AGBL1: variants seen among roughly 807,000 people sequenced by gnomAD.
The protein encoded by AGBL1 is cytosolic carboxypeptidase 4.
In AGBL1, 130 loss-of-function variants were observed where a neutral mutation model predicts 118.9. That is an observed-to-expected ratio of 1.09 (90% CI 0.95 to 1.26). The LOEUF (loss-of-function observed/expected upper bound fraction) is 1.26, where lower values mean the gene tolerates loss of function less well. Ranked by LOEUF, AGBL1 falls within the 50% of genes most tolerant of loss-of-function variation. The pLI, the probability that AGBL1 is intolerant of heterozygous loss-of-function variation, is 0.00. For synonymous variants in AGBL1, 555 were observed against 478.9 expected (o/e 1.16, Z -2.08); for missense variants, 1,584 against 1,298.1 (o/e 1.22, Z -3.38).
At chr15:86,981,552 C>G (rs940771202) in intron 23 of AGBL1, among the ~76,000 whole-genome samples, 14 of 152,276 alleles carry the variant, frequency 9.2e-5, no homozygotes, top group Middle Eastern at 3.4e-3. Flanking sequence ...CTCTCCTTGA[C>G]TTGTAAGTGC....
Position 86,674,449 on chromosome 15 carries a change from C to A in AGBL1, c.3158+13C>A. The A allele has an allele frequency of 6.3e-7, 1 of 1,594,512 alleles. No homozygotes were observed. The highest frequency in any genetic ancestry group is 8.6e-7 in the Non-Finnish European group (1 of 1,166,050). ...AGCACCTCCAACGGTAAGATGCTCC[C>A]AAGGGCTCAGAGAAATTTGGACCTT... On this transcript the variant is annotated intron_variant, in intron 22 of 22. Transcript: ENST00000614907.
At chr15:86,725,425 C>A (rs1370554527) in intron 22 of AGBL1, among the ~76,000 whole-genome samples, 1 of 152,056 alleles carries the variant, frequency 6.6e-6, no homozygotes, top group African/African-American at 2.4e-5. Context: ...GTAATTAATT[C>A]CTGGGAGGTC....
At chr15:86,783,853 A>G (rs893976660) in intron 22 of AGBL1, among the ~76,000 whole-genome samples, 7 of 152,124 alleles carry the variant, frequency 4.6e-5, no homozygotes, top group African/African-American at 1.4e-4. Context: ...CTGGTCTCGA[A>G]TTCCTGACCT....
chr15:86,653,292 T>G (rs1189296460), intron 21 of AGBL1, among the ~76,000 whole-genome samples: 1 of 152,088 alleles, frequency 6.6e-6, no homozygotes, highest in Non-Finnish European at 1.5e-5. Flanking sequence ...TTAGAGTCCA[T>G]ACACTGTGTC....
chr15:86,749,960 T>G (rs1258224434), intron 22 of AGBL1, among the ~76,000 whole-genome samples: 1 of 152,142 alleles, frequency 6.6e-6, no homozygotes, highest in African/African-American at 2.4e-5. Flanking sequence ...GGGATATTGG[T>G]CTAAAATTCT....
intron 1 of AGBL1, among the ~76,000 whole-genome samples, chr15:86,106,260 A>G (rs1259992793): frequency 6.6e-6 from 1 of 152,194 alleles, no homozygotes; most frequent in Non-Finnish European, 1.5e-5. Flanking sequence ...TCCTTTCAGG[A>G]ATGCTAAATT....
At chr15:86,500,191 C>T (rs536633122) in intron 18 of AGBL1, among the ~76,000 whole-genome samples, 87 of 151,822 alleles carry the variant, frequency 5.7e-4, no homozygotes, top group African/African-American at 1.7e-3. Context: ...ATGAGGCTGG[C>T]GGTTGGAGTC....
rs148598723 is a variant in AGBL1, at chr15:86,112,176, A to G, written c.52-29828A>G. Reference sequence around the variant, plus strand: ...TACACAATAAATGTAATGTACTTCAATCAACCCACAACTACCACCCCACAC... The same window carrying G: ...TACACAATAAATGTAATGTACTTCAGTCAACCCACAACTACCACCCCACAC... On this transcript the variant is annotated intron_variant, in intron 1 of 22. Transcript: ENST00000614907. Among the ~76,000 whole-genome samples, 642 of 152,142 alleles carry G rather than the reference A, an allele frequency of 4.2e-3. 1 individual carries two copies. Among genetic ancestry groups the G allele is most frequent in the African/African-American group, 0.015 (616 of 41,502 alleles).
At chr15:86,584,256 C>T (rs2084214506) in intron 21 of AGBL1, among the ~76,000 whole-genome samples, 1 of 151,964 alleles carries the variant, frequency 6.6e-6, no homozygotes, top group African/African-American at 2.4e-5. Flanking sequence ...TAAATTCTTT[C>T]CCAAGGTCAA....
chr15:86,417,673 G>C (rs1313239317), intron 18 of AGBL1, among the ~76,000 whole-genome samples: 1 of 152,190 alleles, frequency 6.6e-6, no homozygotes, highest in Admixed American at 6.5e-5. Flanking sequence ...TCTACATTGA[G>C]AGCTGAAGGA....
chr15:86,775,444 A>C (rs971475934), intron 22 of AGBL1, among the ~76,000 whole-genome samples: 21 of 152,102 alleles, frequency 1.4e-4, no homozygotes, highest in African/African-American at 5.1e-4. Flanking sequence ...AAACTGCTCA[A>C]ATTTTGCAAA....
At chr15:86,252,564 T>C (rs1597626466) in intron 7 of AGBL1, among the ~76,000 whole-genome samples, 1 of 151,912 alleles carries the variant, frequency 6.6e-6, no homozygotes, top group Admixed American at 6.6e-5. Context: ...AGCCAGCAGG[T>C]GGGGGTAATA....
intron 1 of AGBL1, among the ~76,000 whole-genome samples, chr15:86,089,796 T>C (rs976688221): frequency 6.6e-6 from 1 of 152,174 alleles, no homozygotes; most frequent in African/African-American, 2.4e-5. Context: ...ATAATGCAGA[T>C]ACCCTTTACT....
intron 18 of AGBL1, among the ~76,000 whole-genome samples, chr15:86,404,347 G>GCAAA (rs1277974362): frequency 6.6e-6 from 1 of 152,108 alleles, no homozygotes; most frequent in Non-Finnish European, 1.5e-5. Context: ...GCTTTTGGCT[G>GCAAA]CAAACACCTC....
chr15:87,002,434 G>T (rs8041684), intron 24 of AGBL1, among the ~76,000 whole-genome samples: 133,144 of 151,688 alleles, frequency 0.88, 58,778 homozygotes, highest in South Asian at 0.98. Context: ...TTTGTTCTTT[G>T]GGCTTAGGAT....
intron 5 of AGBL1, among the ~76,000 whole-genome samples, chr15:86,218,609 TA>T (rs765297918): frequency 6.6e-6 from 1 of 152,214 alleles, no homozygotes; most frequent in Non-Finnish European, 1.5e-5. Flanking sequence ...ATAATTGTGT[TA>T]TAAGAGGTCA....
chr15:86,809,470 T>C (rs1267800286), intron 22 of AGBL1, among the ~76,000 whole-genome samples: 1 of 152,176 alleles, frequency 6.6e-6, no homozygotes, highest in East Asian at 1.9e-4. Context: ...AAACTGTGTC[T>C]GGTATTTGTC....
At chr15:86,191,065 C>T (rs537416605) in intron 5 of AGBL1, among the ~76,000 whole-genome samples, 7 of 151,902 alleles carry the variant, frequency 4.6e-5, no homozygotes, top group South Asian at 2.1e-4. Context: ...GAACACAGGC[C>T]GGGTGTGGTG....
chr15:86,290,980 G>A (rs1348457943), intron 16 of AGBL1, among the ~76,000 whole-genome samples: 4 of 152,054 alleles, frequency 2.6e-5, no homozygotes, highest in Non-Finnish European at 5.9e-5. Flanking sequence ...TGAGAATGAT[G>A]ATTTCCAATT....
Sources: gnomAD v4.1 joint callset for allele counts (sites outside exome capture counted in the v4.1 genomes callset) on GRCh38, gnomAD v4.1.1 for gene constraint, MANE v1.5 for transcripts, NCBI Gene and HGNC (gene_info 2026-07-23, HGNC 2026-07-21) for gene names.